The following ABTB3 variants were observed in gnomAD, a reference collection of about 807,000 sequenced individuals.
ABTB3 encodes ankyrin repeat- and BTB/POZ domain-containing protein 3.
At chr12:107,518,972 G>A in the ABTB3 span, among the ~76,000 whole-genome samples, 1 of 152,334 alleles carries the variant, frequency 6.6e-6, no homozygotes, top group African/African-American at 2.4e-5. Flanking sequence ...GGAGCTCACT[G>A]ATCATGGGAT....
the ABTB3 span, among the ~76,000 whole-genome samples, chr12:107,497,631 G>T: frequency 1.3e-5 from 2 of 152,276 alleles, no homozygotes; most frequent in South Asian, 2.1e-4. Flanking sequence ...CTGACACTAA[G>T]AAGGTTTTCA....
chr12:107,637,098 T>A, the ABTB3 span, among the ~76,000 whole-genome samples: 1 of 152,202 alleles, frequency 6.6e-6, no homozygotes, highest in Admixed American at 6.5e-5. Flanking sequence ...TGGTCATGTT[T>A]ACTGAGGGAT....
the ABTB3 span, among the ~76,000 whole-genome samples, chr12:107,373,637 C>T: frequency 5.3e-5 from 8 of 152,308 alleles, no homozygotes; most frequent in Non-Finnish European, 7.4e-5. Context: ...CATCCCACAT[C>T]CCCATCTCCA....
the ABTB3 span, among the ~76,000 whole-genome samples, chr12:107,553,846 A>T: frequency 6.6e-6 from 1 of 152,186 alleles, no homozygotes; most frequent in African/African-American, 2.4e-5. Context: ...AGGCTGAGGC[A>T]CAAGAATCAC....
the ABTB3 span, among the ~76,000 whole-genome samples, chr12:107,443,220 T>G: frequency 6.6e-6 from 1 of 151,892 alleles, no homozygotes; most frequent in African/African-American, 2.4e-5. Context: ...ATGCATTTGC[T>G]CAGAAGGAAT....
At chr12:107,332,791 C>T in the ABTB3 span, among the ~76,000 whole-genome samples, 1 of 152,060 alleles carries the variant, frequency 6.6e-6, no homozygotes, top group Non-Finnish European at 1.5e-5. Flanking sequence ...TGTTGTGACC[C>T]GCAGGAAGGC....
At chr12:107,404,060 G>A in the ABTB3 span, among the ~76,000 whole-genome samples, 3 of 151,290 alleles carry the variant, frequency 2.0e-5, no homozygotes, top group East Asian at 3.9e-4. Flanking sequence ...CTACTTGGGA[G>A]GCTGAGGCAG....
chr12:107,628,349 G>A, the ABTB3 span, among the ~76,000 whole-genome samples: 68 of 152,256 alleles, frequency 4.5e-4, no homozygotes, highest in African/African-American at 1.5e-3. Context: ...TACCATGTTG[G>A]TCAGGCTGGT....
chr12:107,454,760 G>T, the ABTB3 span, among the ~76,000 whole-genome samples: 1 of 152,140 alleles, frequency 6.6e-6, no homozygotes, highest in Non-Finnish European at 1.5e-5. Context: ...GAGCTGCATG[G>T]TGCATTTCAT....
At chr12:107,357,734 G>A in the ABTB3 span, among the ~76,000 whole-genome samples, 28,837 of 152,248 alleles carry the variant, frequency 0.19, 3,006 homozygotes, top group East Asian at 0.32. Context: ...GGTGCTCAGA[G>A]CGTGCGTGGC....
the ABTB3 span, among the ~76,000 whole-genome samples, chr12:107,444,115 AC>A: frequency 6.6e-6 from 1 of 152,186 alleles, no homozygotes; most frequent in African/African-American, 2.4e-5. Context: ...TGGCTCAGGA[AC>A]CCTGGAATTT....
the ABTB3 span, among the ~76,000 whole-genome samples, chr12:107,376,611 C>T: frequency 1.3e-5 from 2 of 152,064 alleles, no homozygotes; most frequent in Non-Finnish European, 1.5e-5. Context: ...TGCTGTGATT[C>T]GTCTGTGACC....
At chr12:107,618,079 C>T in the ABTB3 span, 1 of 1,398,124 alleles carries the variant, frequency 7.2e-7, no homozygotes, top group South Asian at 1.3e-5. Flanking sequence ...TCCCCTGCTT[C>T]CCCAGCCTGC....
chr12:107,409,954 G>T, the ABTB3 span, among the ~76,000 whole-genome samples: 59 of 152,204 alleles, frequency 3.9e-4, no homozygotes, highest in African/African-American at 1.4e-3. Flanking sequence ...TCCCAAAATG[G>T]TGACAACAGA....
At chr12:107,419,695 A>T in the ABTB3 span, among the ~76,000 whole-genome samples, 1 of 152,160 alleles carries the variant, frequency 6.6e-6, no homozygotes, top group Non-Finnish European at 1.5e-5. Context: ...GGATGGAATG[A>T]GTTAATACAG....
the ABTB3 span, chr12:107,320,635 G>A: frequency 6.6e-6 from 3 of 456,006 alleles, no homozygotes; most frequent in Non-Finnish European, 1.3e-5. Context: ...CAGTCGTAAA[G>A]GTGTGTGTGG....
At chr12:107,608,241 G>A in the ABTB3 span, among the ~76,000 whole-genome samples, 1 of 152,194 alleles carries the variant, frequency 6.6e-6, no homozygotes, top group East Asian at 1.9e-4. Flanking sequence ...TTCACACTTT[G>A]GCAGTGGTTT....
the ABTB3 span, among the ~76,000 whole-genome samples, chr12:107,469,942 C>CTTTCTTTCTTTCTT: frequency 1.7e-5 from 1 of 59,302 alleles, no homozygotes; most frequent in Non-Finnish European, 3.3e-5. Context: ...CTCTTTCTTT[C>CTTTCTTTCTTTCTT]TCTTTCTTTC....
the ABTB3 span, among the ~76,000 whole-genome samples, chr12:107,505,028 A>C: frequency 6.6e-6 from 1 of 152,212 alleles, no homozygotes; most frequent in Non-Finnish European, 1.5e-5. Context: ...TCAGTGAGAC[A>C]CAGAAGTGGA....
Sources: allele counts gnomAD v4.1 joint callset (sites outside exome capture counted in the v4.1 genomes callset), GRCh38; gene constraint gnomAD v4.1.1; transcripts MANE v1.5; gene names NCBI Gene and HGNC (gene_info 2026-07-23, HGNC 2026-07-21).